Variants in TRUB1 observed in about 807,000 individuals in gnomAD.
TRUB1 encodes TruB pseudouridine synthase family member 1.
A neutral mutation model predicts 33.9 loss-of-function variants in TRUB1; 23 were observed. That is an observed-to-expected ratio of 0.68 (90% CI 0.49 to 0.96). TRUB1 has a LOEUF of 0.96. Ranked by LOEUF, TRUB1 falls within the 40% of genes least tolerant of loss-of-function variation. The pLI is 0.00. For synonymous variants in TRUB1, 163 were observed against 165.4 expected (o/e 0.99, Z 0.11); for missense variants, 378 against 422.2 (o/e 0.90, Z 0.92).
At chr10:114,968,383 T>TGCTGA (rs2084320089) in intron 4 of TRUB1, among the ~76,000 whole-genome samples, 1 of 152,194 alleles carries the variant, frequency 6.6e-6, no homozygotes, top group Non-Finnish European at 1.5e-5. Flanking sequence ...GGCCTTGTTT[T>TGCTGA]TAAAAATATG....
At chr10:114,964,825 C>G (rs376199745) in intron 4 of TRUB1, among the ~76,000 whole-genome samples, 1 of 151,684 alleles carries the variant, frequency 6.6e-6, no homozygotes, top group African/African-American at 2.4e-5. Flanking sequence ...TTTGTTTATA[C>G]TTGTATATAC....
chr10:114,974,438 C>A, intron 7 of TRUB1, 53 bp downstream of exon 7: 1 of 1,472,308 alleles, frequency 6.8e-7, no homozygotes, highest in Non-Finnish European at 9.5e-7. Flanking sequence ...TACTCCTTTT[C>A]AATTGGAAGA....
At chr10:114,951,751 A>G (rs1289790234) in intron 3 of TRUB1, among the ~76,000 whole-genome samples, 2 of 152,188 alleles carry the variant, frequency 1.3e-5, no homozygotes, top group Non-Finnish European at 2.9e-5. Flanking sequence ...AGAGAGAGTA[A>G]TATCTGTATC....
rs1178222843 is a variant in TRUB1 at position 114,975,048 on chromosome 10, A to G, written c.794-75A>G. ...TGAGAGATTTCAATTGAGTACGGTCATTTGAACAATTACAGACTATGAAAT... is the reference window on the plus strand; with the variant it reads ...TGAGAGATTTCAATTGAGTACGGTCGTTTGAACAATTACAGACTATGAAAT... On this transcript the variant is annotated intron_variant, in intron 7 of 7. Coordinates refer to ENST00000298746, the MANE Select transcript of TRUB1 (RefSeq NM_139169.5). 3 of 1,499,770 alleles carry G rather than the reference A, an allele frequency of 2.0e-6. No individual in the cohort carries two copies. The Admixed American group carries it at 6.8e-5, about 34-fold the overall frequency. The allele number at this position is 1,499,770 out of a possible 1,614,324, so 92.9% of individuals were successfully genotyped here. A position where few individuals can be genotyped will look rare whatever the true frequency, so the allele number is the denominator to read the frequency against.
Position 114,938,315 on chromosome 10 carries a change from T to G in TRUB1, c.62T>G (p.Val21Gly). 3.7e-6 allele frequency: 6 copies of G among 1,614,148 alleles called. No individual in the cohort carries two copies. The highest frequency in any genetic ancestry group is 5.1e-6 in the Non-Finnish European group (6 of 1,180,026). The change falls in exon 1 of 8, where the codon GTC (valine) becomes GGC (glycine). Residue 21 changes from valine (V) to glycine (G), a missense_variant. Coordinates refer to ENST00000298746, the MANE Select transcript of TRUB1 (RefSeq NM_139169.5). The part of the protein sequence containing the change: ...SPSLKTDTSP[V>G]LETAGTVAAM... ...TCTTTGAAAACAGACACATCCCCTG[T>G]CCTTGAAACTGCAGGAACGGTCGCA... is the stretch of plus-strand genomic sequence containing the variant.
At chr10:114,950,876 TGGG>T (rs1369496744) in intron 2 of TRUB1, among the ~76,000 whole-genome samples, 113 of 152,354 alleles carry the variant, frequency 7.4e-4, no homozygotes, top group Non-Finnish European at 1.3e-3. Flanking sequence ...ACTTTGAGAA[TGGG>T]GAGAAAGGTC....
intron 4 of TRUB1, among the ~76,000 whole-genome samples, chr10:114,967,402 T>C (rs1457619640): frequency 1.3e-5 from 2 of 152,220 alleles, no homozygotes; most frequent in Non-Finnish European, 2.9e-5. Flanking sequence ...AGTTACTCTT[T>C]CGTAGTCAAA....
chr10:114,963,752 C>G (rs1423758537), intron 4 of TRUB1, among the ~76,000 whole-genome samples: 1 of 152,026 alleles, frequency 6.6e-6, no homozygotes, highest in Non-Finnish European at 1.5e-5. Context: ...AATTCTTCCA[C>G]TTATTATATT....
rs1218155783 is a variant in TRUB1 at position 114,975,596 on chromosome 10, G to A, written c.*217G>A. 1.3e-5 allele frequency: 5 copies of A among 376,910 alleles called. No homozygotes were observed. Among genetic ancestry groups the A allele is most frequent in the Non-Finnish European group, 2.3e-5 (5 of 213,036 alleles). 23.3% of individuals were successfully genotyped at this position (376,910 alleles called of 1,614,324 possible). A position where few individuals can be genotyped will look rare whatever the true frequency, so the allele number is the denominator to read the frequency against. On this transcript the variant is annotated 3_prime_UTR_variant, in exon 8 of 8. Transcript: ENST00000298746. ...TCAGTTGTTTGTTGTGTTGTGAAAT[G>A]TTTTAGGATTTTTTGTATTGTGAAA...
chr10:114,941,648 T>C (rs1484067177), intron 1 of TRUB1, among the ~76,000 whole-genome samples: 1 of 152,168 alleles, frequency 6.6e-6, no homozygotes, highest in Admixed American at 6.5e-5. Flanking sequence ...CGGCTCACTT[T>C]ATGTTTACAA....
chr10:114,970,392 A>G lies in TRUB1; in HGVS notation c.548A>G (p.Glu183Gly). ...GATAAAATAACACAAGAAGATATTGAAGGCATTCTACAGAAATTTACTGGA... is the reference window on the plus strand; with the variant it reads ...GATAAAATAACACAAGAAGATATTGGAGGCATTCTACAGAAATTTACTGGA... Reference protein sequence around the residue: ...PYDKITQEDIEGILQKFTGNI... With the variant: ...PYDKITQEDIGGILQKFTGNI... Residue 183 changes from glutamate to glycine, a missense_variant, in exon 5 of 8, where the codon GAA becomes GGA. Glu to Gly is a moderately conservative substitution (Grantham distance 98, BLOSUM62 -2). Transcript: ENST00000298746. 1 of 1,612,328 alleles carries G rather than the reference A, an allele frequency of 6.2e-7. No individual in the cohort carries two copies. Among genetic ancestry groups the G allele is most frequent in the Non-Finnish European group, 8.5e-7 (1 of 1,178,776 alleles).
chr10:114,965,162 CT>C (rs1176560306), intron 4 of TRUB1, among the ~76,000 whole-genome samples: 1 of 152,040 alleles, frequency 6.6e-6, no homozygotes, highest in East Asian at 1.9e-4. Flanking sequence ...ATCTCCTGAC[CT>C]TGTGATCTGC....
At chr10:114,961,740 G>A (rs1338985591) in intron 4 of TRUB1, among the ~76,000 whole-genome samples, 1 of 152,154 alleles carries the variant, frequency 6.6e-6, no homozygotes, top group Non-Finnish European at 1.5e-5. Context: ...ATTTTTCTGT[G>A]TGCTTTCAGT....
At chr10:114,970,494 A>G (rs2084330950) in intron 5 of TRUB1, 54 bp downstream of exon 5, 2 of 1,292,306 alleles carry the variant, frequency 1.5e-6, no homozygotes, top group Non-Finnish European at 1.1e-6. Flanking sequence ...TCCAATGGTT[A>G]ACATCACTCT....
At chr10:114,939,856 T>C (rs2084178431) in intron 1 of TRUB1, among the ~76,000 whole-genome samples, 1 of 149,932 alleles carries the variant, frequency 6.7e-6, no homozygotes, top group South Asian at 2.1e-4. Flanking sequence ...CTTAAGGTAA[T>C]GATTACCATT....
intron 1 of TRUB1, among the ~76,000 whole-genome samples, chr10:114,940,211 T>C (rs2084180198): frequency 6.6e-6 from 1 of 152,142 alleles, no homozygotes; most frequent in Admixed American, 6.6e-5. Context: ...AACCTTCCCC[T>C]CCTGGGTTCA....
In TRUB1 at chr10:114,975,339, A is replaced by G. The variant is rs1194047632; in HGVS notation, c.1010A>G (p.Asn337Ser). Reference protein sequence around the residue: ...QVLSCEYITLNEPKREDDVIK... With the variant: ...QVLSCEYITLSEPKREDDVIK... ...TTGAGCTGTGAATATATAACTCTAA[A>G]TGAGCCAAAGAGAGAAGATGATGTA... Residue 337 changes from asparagine to serine, a missense_variant, in exon 8 of 8, where the codon AAT becomes AGT. By Grantham distance (46) the Asn-to-Ser change is conservative. Transcript: ENST00000298746. 6.2e-7 allele frequency: 1 copy of G among 1,605,410 alleles called. No individual in the cohort carries two copies. Among genetic ancestry groups the G allele is most frequent in the Non-Finnish European group, 8.5e-7 (1 of 1,175,234 alleles).
chr10:114,961,449 G>C (rs936545867), intron 4 of TRUB1, among the ~76,000 whole-genome samples: 4 of 152,062 alleles, frequency 2.6e-5, no homozygotes, highest in Admixed American at 2.0e-4. Flanking sequence ...ATGCTGGAAG[G>C]GGCCCAGGGT....
intron 4 of TRUB1, among the ~76,000 whole-genome samples, chr10:114,960,989 G>C (rs1490910352): frequency 6.6e-6 from 1 of 152,118 alleles, no homozygotes; most frequent in African/African-American, 2.4e-5. Flanking sequence ...AATTAAGGCT[G>C]GGGGGTGTGG....
Sources: gnomAD v4.1 joint callset for allele counts (sites outside exome capture counted in the v4.1 genomes callset) on GRCh38, gnomAD v4.1.1 for gene constraint, MANE v1.5 for transcripts, NCBI Gene and HGNC (gene_info 2026-07-23, HGNC 2026-07-21) for gene names.